VMP1: variants seen among roughly 807,000 people sequenced by gnomAD.
VMP1 encodes the protein ectopic P-granules autophagy protein 3 homolog.
Under a neutral mutation model 56.0 loss-of-function variants are expected in VMP1, and 11 were observed. The observed-to-expected ratio is 0.20, with a 90% CI of 0.12 to 0.32. The LOEUF (loss-of-function observed/expected upper bound fraction) is 0.32. Ranked by LOEUF, VMP1 falls within the 10% of genes least tolerant of loss-of-function variation. The pLI is 1.00. For synonymous variants in VMP1, 149 were observed against 165.0 expected, an observed-to-expected ratio of 0.90 and a Z score of 0.74; for missense variants, 296 against 490.3, an observed-to-expected ratio of 0.60 and a Z score of 3.74.
chr17:59,790,523 C>T (rs922210582), intron 7 of VMP1, among the ~76,000 whole-genome samples: 7 of 152,198 alleles, frequency 4.6e-5, no homozygotes, highest in African/African-American at 1.7e-4. Context: ...GGCGTGGTGG[C>T]TCATGCCTGT....
intron 5 of VMP1, among the ~76,000 whole-genome samples, chr17:59,739,372 G>C (rs2035127564): frequency 6.6e-6 from 1 of 152,158 alleles, no homozygotes; most frequent in Admixed American, 6.6e-5. Context: ...TGTAATTGAT[G>C]GAGTATTAAC....
intron 7 of VMP1, among the ~76,000 whole-genome samples, chr17:59,791,184 CTTTTTTTTT>C (rs200633751): frequency 4.5e-5 from 6 of 133,634 alleles, no homozygotes; most frequent in Non-Finnish European, 3.1e-5. Flanking sequence ...TCCCAGTTCC[CTTTTTTTTT>C]TTTTTTTTTT....
At chr17:59,753,611 A>G (rs2035734069) in intron 5 of VMP1, among the ~76,000 whole-genome samples, 1 of 152,192 alleles carries the variant, frequency 6.6e-6, no homozygotes, top group Admixed American at 6.5e-5. Flanking sequence ...AATGTGATGT[A>G]TGTACAATTT....
chr17:59,714,028 G>A lies in VMP1; in HGVS notation c.-27+6280G>A, dbSNP rs528758207. On this transcript the variant is annotated intron_variant, in intron 1 of 11. Coordinates refer to ENST00000262291, the MANE Select transcript of VMP1 (RefSeq NM_030938.5). The stretch of plus-strand genomic sequence containing the variant: ...TGCACTCCAACCTGCGCAACTGAGC[G>A]AGACTCCGTCTTAAAAGGAAAAAAA... Among the ~76,000 whole-genome samples, 98 of 140,414 alleles carry A rather than the reference G, an allele frequency of 7.0e-4. 1 individual carries two copies. The highest frequency in any genetic ancestry group is 2.5e-3 in the African/African-American group (93 of 37,514). 92.1% of individuals were successfully genotyped at this position (140,414 alleles called of 152,430 possible). A position where few individuals can be genotyped will look rare whatever the true frequency, so the allele number is the denominator to read the frequency against.
intron 7 of VMP1, among the ~76,000 whole-genome samples, chr17:59,804,130 AT>A (rs1429033709): frequency 6.6e-6 from 1 of 152,128 alleles, no homozygotes; most frequent in Non-Finnish European, 1.5e-5. Flanking sequence ...TATACAAATA[AT>A]TAAAAAATAT....
At chr17:59,761,375 A>G (rs1355323974) in intron 5 of VMP1, among the ~76,000 whole-genome samples, 2 of 152,152 alleles carry the variant, frequency 1.3e-5, no homozygotes, top group South Asian at 2.1e-4. Context: ...AGTGCTAGTA[A>G]TTTTTAATTG....
At chr17:59,747,982 G>A (rs990093808) in intron 5 of VMP1, among the ~76,000 whole-genome samples, 1 of 151,724 alleles carries the variant, frequency 6.6e-6, no homozygotes, top group African/African-American at 2.4e-5. Flanking sequence ...GGATCACGAG[G>A]TCAGAAGATC....
chr17:59,816,610 C>A (rs995186779), intron 9 of VMP1, among the ~76,000 whole-genome samples: 33 of 151,868 alleles, frequency 2.2e-4, no homozygotes. Context: ...TCGAGACCAT[C>A]CTGGCTAACA....
At chr17:59,817,935 T>C (rs2038303091) in intron 10 of VMP1, among the ~76,000 whole-genome samples, 162 bp downstream of exon 10, 1 of 152,200 alleles carries the variant, frequency 6.6e-6, no homozygotes, top group Admixed American at 6.5e-5. Flanking sequence ...TTTCTTGTTC[T>C]ATAGTAGGGA....
rs9892710 is a variant in VMP1 at position 59,841,806 on chromosome 17, G to A, written c.*1895G>A. ...AGAAAGGAAAGAGGAAAGCAAATACGAATTGTACTATTTGTACCAAATCTT... is the reference window on the plus strand; with the variant it reads ...AGAAAGGAAAGAGGAAAGCAAATACAAATTGTACTATTTGTACCAAATCTT... On this transcript the variant is annotated 3_prime_UTR_variant, in exon 12 of 12. Transcript: ENST00000262291. 1.3e-5 allele frequency: 2 copies of A among 151,930 alleles called. No individual in the cohort carries two copies. The highest frequency in any genetic ancestry group is 2.4e-5 in the African/African-American group (1 of 41,318). 9.4% of individuals were successfully genotyped at this position (151,930 alleles called of 1,614,324 possible).
chr17:59,730,206 C>G (rs1235622315), intron 1 of VMP1, among the ~76,000 whole-genome samples: 1 of 152,026 alleles, frequency 6.6e-6, no homozygotes, highest in Admixed American at 6.6e-5. Flanking sequence ...AGGCCCGATA[C>G]ACGCTTCTTA....
At chr17:59,725,732 A>G (rs1199378034) in intron 1 of VMP1, among the ~76,000 whole-genome samples, 1 of 152,210 alleles carries the variant, frequency 6.6e-6, no homozygotes, top group Non-Finnish European at 1.5e-5. Context: ...GATGAAAATA[A>G]CTTAGTTCCC....
intron 9 of VMP1, among the ~76,000 whole-genome samples, chr17:59,815,117 T>C (rs578067659): frequency 6.6e-6 from 1 of 152,294 alleles, no homozygotes; most frequent in African/African-American, 2.4e-5. Flanking sequence ...TTTATTGATG[T>C]CTTCCTCTTA....
chr17:59,802,062 A>T (rs1271699121), intron 7 of VMP1, among the ~76,000 whole-genome samples: 1 of 151,912 alleles, frequency 6.6e-6, no homozygotes, highest in Non-Finnish European at 1.5e-5. Context: ...TTAGCTGGGC[A>T]TGGTGGCACG....
rs976255690 is a variant in VMP1, at chr17:59,731,366, C to T, written c.-26-55C>T. On this transcript the variant is annotated intron_variant, in intron 1 of 11. Transcript: ENST00000262291. ...TCCTGTATTCAGTTTTATTCAGTCA[C>T]AGCTACACAGCAGAAGTTTGTAATG... 1.0e-5 allele frequency: 11 copies of T among 1,071,354 alleles called. No homozygotes were observed. In the African/African-American group the frequency reaches 1.8e-4, roughly 18 times the overall value. 66.4% of individuals were successfully genotyped at this position (1,071,354 alleles called of 1,614,324 possible).
At chr17:59,785,512 C>T (rs1255297327) in intron 7 of VMP1, among the ~76,000 whole-genome samples, 2 of 151,666 alleles carry the variant, frequency 1.3e-5, no homozygotes, top group African/African-American at 4.8e-5. Context: ...TGTAAAAATA[C>T]AAAATTTTTT....
chr17:59,795,124 C>T (rs1411781474), intron 7 of VMP1, among the ~76,000 whole-genome samples: 6 of 151,092 alleles, frequency 4.0e-5, no homozygotes, highest in South Asian at 2.1e-4. Context: ...TACAGGCATG[C>T]GCCACCACGC....
At chr17:59,720,887 C>T (rs753768740) in intron 1 of VMP1, among the ~76,000 whole-genome samples, 6 of 151,906 alleles carry the variant, frequency 3.9e-5, no homozygotes, top group Non-Finnish European at 7.4e-5. Context: ...ACAGGAGAAT[C>T]GCTTGAACCC....
chr17:59,720,067 A>G (rs2143740352), intron 1 of VMP1, among the ~76,000 whole-genome samples: 1 of 152,320 alleles, frequency 6.6e-6, no homozygotes. Flanking sequence ...TAACTTACAT[A>G]CGTGCACTCG....
Sources: allele counts gnomAD v4.1 joint callset (sites outside exome capture counted in the v4.1 genomes callset), GRCh38; gene constraint gnomAD v4.1.1; transcripts MANE v1.5; gene names NCBI Gene and HGNC (gene_info 2026-07-23, HGNC 2026-07-21).